ZBBX: variants seen among roughly 807,000 people sequenced by gnomAD.
ZBBX encodes the protein zinc finger B-box domain containing, also known as zinc finger B-box domain-containing protein 1.
In ZBBX, 101 loss-of-function variants were observed where a neutral mutation model predicts 108.5. That is an observed-to-expected ratio of 0.93 (90% CI 0.79 to 1.10). ZBBX has a LOEUF of 1.10. Among genes scored for constraint, ZBBX ranks in the 50% least tolerant of loss-of-function variants. ZBBX has a pLI of 0.00. For missense variants in ZBBX, 1,009 were observed against 941.4 expected (o/e 1.07, Z -0.94); for synonymous variants, 356 against 323.4 (o/e 1.10, Z -1.08).
intron 20 of ZBBX, among the ~76,000 whole-genome samples, chr3:167,270,219 G>A (rs944441794): frequency 9.9e-5 from 15 of 152,248 alleles, no homozygotes; most frequent in African/African-American, 2.2e-4. Flanking sequence ...AGGCCATTTC[G>A]TAAGTGCAGG....
the ZBBX span, among the ~76,000 whole-genome samples, chr3:167,210,564 G>A: frequency 2.6e-5 from 4 of 151,970 alleles, no homozygotes; most frequent in African/African-American, 4.8e-5. Flanking sequence ...GAAAGCTATA[G>A]AACACCAAGC....
chr3:167,243,603 G>C (rs942501062), intron 20 of ZBBX, among the ~76,000 whole-genome samples: 5 of 151,898 alleles, frequency 3.3e-5, no homozygotes, highest in African/African-American at 4.8e-5. Context: ...TCTCCATGTT[G>C]GTCAGGCTGC....
the ZBBX span, among the ~76,000 whole-genome samples, chr3:167,221,044 G>C: frequency 7.9e-5 from 12 of 151,742 alleles, no homozygotes; most frequent in East Asian, 2.1e-3. Flanking sequence ...ATAAAATACT[G>C]GTGAAAGAAA....
chr3:167,302,254 C>T (rs1250822635), intron 17 of ZBBX, among the ~76,000 whole-genome samples: 1 of 152,036 alleles, frequency 6.6e-6, no homozygotes, highest in East Asian at 1.9e-4. Context: ...TCTATCTTTA[C>T]TAATAGAAAA....
intron 6 of ZBBX, among the ~76,000 whole-genome samples, chr3:167,363,533 C>T (rs934418248): frequency 3.3e-5 from 5 of 152,042 alleles, no homozygotes; most frequent in Non-Finnish European, 7.4e-5. Flanking sequence ...ATATGTCTTC[C>T]TTTCCTTGGT....
At chr3:167,189,990 C>A in the ZBBX span, among the ~76,000 whole-genome samples, 3 of 152,280 alleles carry the variant, frequency 2.0e-5, no homozygotes, top group South Asian at 6.2e-4. Flanking sequence ...GGTAGAGCTA[C>A]CTTACTTTTT....
At chr3:167,397,868 A>G (rs1216744833) in intron 1 of ZBBX, among the ~76,000 whole-genome samples, 2 of 148,420 alleles carry the variant, frequency 1.3e-5, no homozygotes, top group Non-Finnish European at 3.0e-5. Flanking sequence ...AAAAAAAAAA[A>G]TTAGGTTACA....
intron 9 of ZBBX, among the ~76,000 whole-genome samples, chr3:167,346,705 AAAC>A (rs1162005570): frequency 2.0e-5 from 3 of 151,928 alleles, no homozygotes; most frequent in Non-Finnish European, 4.4e-5. Flanking sequence ...TAACAATAAA[AAAC>A]AAAAACCACT....
chr3:167,191,924 T>TAGAGAGAGAGAGAGAG, the ZBBX span, among the ~76,000 whole-genome samples: 1 of 125,536 alleles, frequency 8.0e-6, no homozygotes, highest in African/African-American at 3.3e-5. Context: ...TATATATATA[T>TAGAGAGAGAGAGAGAG]ATATATATAT....
At chr3:167,285,648 C>T (rs913222005) in intron 19 of ZBBX, among the ~76,000 whole-genome samples, 4 of 152,086 alleles carry the variant, frequency 2.6e-5, no homozygotes, top group Non-Finnish European at 5.9e-5. Context: ...AGTAGAACGT[C>T]TTAAATTCCT....
chr3:167,381,517 GGT>G (rs1379589966), upstream of ZBBX, among the ~76,000 whole-genome samples: 1 of 152,134 alleles, frequency 6.6e-6, no homozygotes, highest in Non-Finnish European at 1.5e-5. Context: ...TGGCTATGAT[GGT>G]TGCTATTAAC....
the ZBBX span, among the ~76,000 whole-genome samples, chr3:167,200,097 T>C: frequency 6.6e-6 from 1 of 152,110 alleles, no homozygotes; most frequent in Non-Finnish European, 1.5e-5. Flanking sequence ...TCTCTTCTTC[T>C]TGGGACATCA....
downstream of ZBBX, among the ~76,000 whole-genome samples, chr3:167,239,775 G>C (rs1576745067): frequency 1.3e-5 from 2 of 152,082 alleles, no homozygotes; most frequent in South Asian, 2.1e-4. Flanking sequence ...TCAATTATAA[G>C]GTCTGACAAA....
At chr3:167,236,369 C>T (rs1342218266), downstream of ZBBX, among the ~76,000 whole-genome samples, 1 of 151,594 alleles carries the variant, frequency 6.6e-6, no homozygotes, top group Non-Finnish European at 1.5e-5. Flanking sequence ...ATTAGTTTGC[C>T]TGTATATTCA....
At chr3:167,226,815 T>A in the ZBBX span, among the ~76,000 whole-genome samples, 1 of 151,716 alleles carries the variant, frequency 6.6e-6, no homozygotes, top group East Asian at 1.9e-4. Flanking sequence ...CAAAGAAATA[T>A]GAATGGAAGT....
chr3:167,246,774 T>A (rs753088676), intron 20 of ZBBX, among the ~76,000 whole-genome samples: 8 of 152,204 alleles, frequency 5.3e-5, no homozygotes, highest in Non-Finnish European at 1.2e-4. Flanking sequence ...AGTGTCTTTA[T>A]AAGTAAGTTA....
At chr3:167,310,336 C>T (rs1270284286) in intron 16 of ZBBX, among the ~76,000 whole-genome samples, 5 of 152,206 alleles carry the variant, frequency 3.3e-5, no homozygotes, top group African/African-American at 9.6e-5. Flanking sequence ...ACTGTTCTAA[C>T]CTCTGCCTGT....
the ZBBX span, among the ~76,000 whole-genome samples, chr3:167,181,482 A>G: frequency 6.6e-6 from 1 of 152,338 alleles, no homozygotes; most frequent in South Asian, 2.1e-4. Flanking sequence ...CGGAAGGCCA[A>G]TGATGTAGAG....
At position 167,311,814 on chromosome 3, in the gene ZBBX, T is replaced by A. The variant is rs114624078; in HGVS notation, c.1417+2160A>T. 3.1e-3 allele frequency among the ~76,000 whole-genome samples: 466 copies of A among 152,250 alleles called. 2 individuals carry two copies. The highest frequency in any genetic ancestry group is 0.01 in the Middle Eastern group (3 of 294). On this transcript the variant is annotated intron_variant, in intron 16 of 21. Coordinates refer to ENST00000675490, the MANE Select transcript of ZBBX (RefSeq NM_001199201.2). ...GTGAGGATATGGAGTAACAGGAACTTTCATTAATTGCTGGTGGGAATGTAA... is the reference window on the plus strand; with the variant it reads ...GTGAGGATATGGAGTAACAGGAACTATCATTAATTGCTGGTGGGAATGTAA...
Sources: gnomAD v4.1 joint callset for allele counts (sites outside exome capture counted in the v4.1 genomes callset) on GRCh38, gnomAD v4.1.1 for gene constraint, MANE v1.5 for transcripts, NCBI Gene and HGNC (gene_info 2026-07-23, HGNC 2026-07-21) for gene names.